The following PRKAR1B variants were observed in gnomAD, a reference collection of about 807,000 sequenced individuals.
PRKAR1B encodes the protein cAMP-dependent protein kinase type I-beta regulatory subunit.
A neutral mutation model predicts 46.5 loss-of-function variants in PRKAR1B; 22 were observed. The ratio of observed to expected loss-of-function variants is 0.47; its 90% CI spans 0.34 to 0.68. The LOEUF is 0.68. PRKAR1B is among the 30% of genes least tolerant of loss of function. The pLI, the probability that PRKAR1B is intolerant of heterozygous loss-of-function variation, is 0.01. For missense variants in PRKAR1B, 445 were observed against 535.6 expected (o/e 0.83, Z 1.67); for synonymous variants, 259 against 217.7 (o/e 1.19, Z -1.67).
chr7:655,158 A>C (rs1189123884), intron 4 of PRKAR1B, among the ~76,000 whole-genome samples: 1 of 152,210 alleles, frequency 6.6e-6, no homozygotes, highest in Non-Finnish European at 1.5e-5. Flanking sequence ...AGACCCTGCT[A>C]AATAAAACAT....
At chr7:595,493 G>C (rs907218154) in intron 7 of PRKAR1B, among the ~76,000 whole-genome samples, 4 of 152,200 alleles carry the variant, frequency 2.6e-5, no homozygotes, top group African/African-American at 9.7e-5. Flanking sequence ...GGCCTGGCAG[G>C]TGGGGTGTGT....
At chr7:672,212 A>G in intron 4 of PRKAR1B, among the ~76,000 whole-genome samples, 1 of 151,810 alleles carries the variant, frequency 6.6e-6, no homozygotes, top group African/African-American at 2.4e-5. Flanking sequence ...GTGCAGTGGC[A>G]TGATCTCGGC....
chr7:583,411 C>T (rs1228785031), intron 8 of PRKAR1B, among the ~76,000 whole-genome samples: 2 of 65,854 alleles, frequency 3.0e-5, no homozygotes, highest in African/African-American at 1.3e-4. Context: ...CACGTGTGCA[C>T]ACCCACGCAC....
chr7:588,753 A>ATGG (rs1562542199), intron 7 of PRKAR1B, among the ~76,000 whole-genome samples: 4 of 3,668 alleles, frequency 1.1e-3, no homozygotes, highest in Admixed American at 3.2e-3. Context: ...GGTGATGGTG[A>ATGG]TGGTGATGGT....
In PRKAR1B at chr7:684,049, G is replaced by A. The variant is rs565683766; in HGVS notation, c.178-3323C>T. Among the ~76,000 whole-genome samples the A allele has an allele frequency of 4.0e-5, 6 of 148,638 alleles. No individual in the cohort carries two copies. The South Asian group carries it at 1.3e-3, about 32-fold the overall frequency. On this transcript the variant is annotated intron_variant, in intron 2 of 10. Transcript: ENST00000537384. ...TGCCCACCTCCACACGTGTGCTGAT[G>A]CCCTCTGTGTATGCCGATGCCCACC...
At position 550,331 on chromosome 7, in the gene PRKAR1B, C is replaced by A. The variant is rs899644091; in HGVS notation, c.*99G>T. On this transcript the variant is annotated 3_prime_UTR_variant, in exon 11 of 11. Transcript: ENST00000537384. ...CACGCTGCCGGGACCCAGCCCCACC[C>A]GGCCCACACCTCACACAGCGGCTCC... The A allele has an allele frequency of 1.8e-6, 2 of 1,142,554 alleles. No individual in the cohort carries two copies. Among genetic ancestry groups the A allele is most frequent in the African/African-American group, 1.5e-5 (1 of 65,040 alleles). The allele number at this position is 1,142,554 out of a possible 1,614,324, so 70.8% of individuals were successfully genotyped here. A position where few individuals can be genotyped will look rare whatever the true frequency, so the allele number is the denominator to read the frequency against.
Position 581,594 on chromosome 7 carries a change from G to A in PRKAR1B, c.770-2217C>T, listed in dbSNP as rs144597918. Among the ~76,000 whole-genome samples the A allele has an allele frequency of 2.0e-3, 307 of 152,330 alleles. 1 individual carries two copies. Among genetic ancestry groups the A allele is most frequent in the African/African-American group, 7.0e-3 (292 of 41,572 alleles). On this transcript the variant is annotated intron_variant, in intron 8 of 10. Coordinates refer to ENST00000537384, the MANE Select transcript of PRKAR1B (RefSeq NM_001164760.2). ...ATTTCCACATATTTGATTAGCAAAT[G>A]CTTACTCTATTACATTTGAAACCTG...
rs980448271 is a variant in PRKAR1B at position 714,524 on chromosome 7, G to A, written c.-22-2997C>T. Among the ~76,000 whole-genome samples the A allele has an allele frequency of 3.3e-5, 5 of 152,274 alleles. No homozygotes were observed. The highest frequency in any genetic ancestry group is 4.4e-5 in the Non-Finnish European group (3 of 68,016). ...GAGCTCCTCTCCTCATTGCCACGAC[G>A]GCAGCTCCCACTGCCTCTCTCTTTC... On this transcript the variant is annotated intron_variant, in intron 1 of 10. Coordinates refer to ENST00000537384, the MANE Select transcript of PRKAR1B (RefSeq NM_001164760.2). The surrounding 1 kb of genome is among the most constrained non-coding windows in gnomAD (Gnocchi z 4.3).
At chr7:664,019 C>T (rs1293813863) in intron 4 of PRKAR1B, among the ~76,000 whole-genome samples, 2 of 152,100 alleles carry the variant, frequency 1.3e-5, no homozygotes, top group Admixed American at 6.5e-5. Context: ...ACAGGGTCAC[C>T]AAATTGCTGA....
intron 9 of PRKAR1B, among the ~76,000 whole-genome samples, chr7:576,263 G>T (rs1243472901): frequency 1.3e-5 from 2 of 151,814 alleles, no homozygotes; most frequent in Non-Finnish European, 2.9e-5. Flanking sequence ...TGGAATCACG[G>T]CTGGGGTCAC....
chr7:663,233 A>G (rs1785713372), intron 4 of PRKAR1B, among the ~76,000 whole-genome samples: 1 of 151,838 alleles, frequency 6.6e-6, no homozygotes, highest in African/African-American at 2.4e-5. Flanking sequence ...ATTTTTACTT[A>G]TTTTTCTTTT....
chr7:703,809 T>C lies in PRKAR1B; in HGVS notation c.177+7520A>G, dbSNP rs140791849. Among the ~76,000 whole-genome samples the C allele has an allele frequency of 8.4e-3, 1,280 of 152,178 alleles. 18 individuals are homozygous for C. Among genetic ancestry groups the C allele is most frequent in the African/African-American group, 0.029 (1,208 of 41,502 alleles). ...GTGTGATATTCACCAAGATAAAGCA[T>C]ATGATCAGCCATAAACCACACCTTA... On this transcript the variant is annotated intron_variant, in intron 2 of 10. Coordinates refer to ENST00000537384, the MANE Select transcript of PRKAR1B (RefSeq NM_001164760.2).
chr7:639,418 C>T (rs1405067219), intron 4 of PRKAR1B, among the ~76,000 whole-genome samples: 1 of 152,222 alleles, frequency 6.6e-6, no homozygotes, highest in Non-Finnish European at 1.5e-5. Flanking sequence ...TCACTCCTCA[C>T]ACAGAAAGTA....
At chr7:665,449 C>T (rs1785855541) in intron 4 of PRKAR1B, among the ~76,000 whole-genome samples, 1 of 152,306 alleles carries the variant, frequency 6.6e-6, no homozygotes, top group South Asian at 2.1e-4. Context: ...CAGGGACTGG[C>T]CATTGCATAC....
At chr7:599,422 C>T (rs1295864599) in intron 6 of PRKAR1B, among the ~76,000 whole-genome samples, 1 of 152,094 alleles carries the variant, frequency 6.6e-6, no homozygotes, top group African/African-American at 2.4e-5. Context: ...CTCAGCCTCC[C>T]GGATTACAGG....
At chr7:645,790 G>A (rs1020853856) in intron 4 of PRKAR1B, among the ~76,000 whole-genome samples, 1 of 152,134 alleles carries the variant, frequency 6.6e-6, no homozygotes, top group Admixed American at 6.5e-5. Flanking sequence ...GGAGGGGACC[G>A]TGAGGTCAGC....
At chr7:647,675 A>G (rs1423388289) in intron 4 of PRKAR1B, among the ~76,000 whole-genome samples, 1 of 151,608 alleles carries the variant, frequency 6.6e-6, no homozygotes, top group Non-Finnish European at 1.5e-5. Context: ...GCGAGGTGGC[A>G]GGCGCCTGTA....
At chr7:652,995 G>C (rs1344831992) in intron 4 of PRKAR1B, among the ~76,000 whole-genome samples, 2 of 152,164 alleles carry the variant, frequency 1.3e-5, no homozygotes, top group Non-Finnish European at 2.9e-5. Flanking sequence ...CACTGGCCAG[G>C]AGTCCCAGCT....
intron 4 of PRKAR1B, among the ~76,000 whole-genome samples, chr7:652,464 C>A (rs1031197717): frequency 1.3e-5 from 2 of 151,204 alleles, no homozygotes; most frequent in East Asian, 2.0e-4. Flanking sequence ...GCGCTAGGAA[C>A]CTGGGGAAAC....
Sources: allele counts gnomAD v4.1 joint callset (sites outside exome capture counted in the v4.1 genomes callset), GRCh38; gene constraint gnomAD v4.1.1; non-coding constraint Gnocchi (gnomAD v3.1); transcripts MANE v1.5; gene names NCBI Gene and HGNC (gene_info 2026-07-23, HGNC 2026-07-21).